The following CDH4 variants were observed in gnomAD, a reference collection of about 807,000 sequenced individuals.
The protein encoded by CDH4 is cadherin 4.
A neutral mutation model predicts 86.0 loss-of-function variants in CDH4; 33 were observed. The observed-to-expected ratio is 0.38, with a 90% CI of 0.29 to 0.51. CDH4 has a LOEUF of 0.51. CDH4 is among the 20% of genes least tolerant of loss of function. The pLI is 0.86. For synonymous variants in CDH4, 555 were observed against 549.4 expected (o/e 1.01, Z -0.14); for missense variants, 1,114 against 1,307.4 (o/e 0.85, Z 2.28).
intron 2 of CDH4, among the ~76,000 whole-genome samples, chr20:61,689,830 G>GTC (rs2087632263): frequency 7.0e-6 from 1 of 142,926 alleles, no homozygotes; most frequent in African/African-American, 2.8e-5. Context: ...AGGTGATGTG[G>GTC]AATTGAGCTG....
At chr20:61,347,438 T>G (rs1364500771) in intron 2 of CDH4, among the ~76,000 whole-genome samples, 1 of 152,242 alleles carries the variant, frequency 6.6e-6, no homozygotes, top group Non-Finnish European at 1.5e-5. Context: ...CTCTTCATAC[T>G]TTACCAAAAA....
At position 61,701,884 on chromosome 20, in the gene CDH4, G is replaced by A. The variant is rs570635047; in HGVS notation, c.170-41679G>A. On this transcript the variant is annotated intron_variant, in intron 2 of 15. Coordinates refer to ENST00000614565, the MANE Select transcript of CDH4 (RefSeq NM_001794.5). ...TCCAAAAAAGACTGCTTTCGAGTGGGACAAGTTTGACCTTATCACAGAAGC... is the reference window on the plus strand; with the variant it reads ...TCCAAAAAAGACTGCTTTCGAGTGGAACAAGTTTGACCTTATCACAGAAGC... 2.0e-4 allele frequency among the ~76,000 whole-genome samples: 31 copies of A among 152,326 alleles called. No individual in the cohort carries two copies. The South Asian group carries it at 6.4e-3, about 32-fold the overall frequency.
At chr20:61,868,911 CT>C (rs1983673436) in intron 6 of CDH4, among the ~76,000 whole-genome samples, 1 of 152,244 alleles carries the variant, frequency 6.6e-6, no homozygotes. Flanking sequence ...AAGCCTCCAG[CT>C]GTGGCACCTG....
intron 6 of CDH4, among the ~76,000 whole-genome samples, 189 bp downstream of exon 6, chr20:61,853,087 G>T (rs1982812413): frequency 6.6e-6 from 1 of 152,196 alleles, no homozygotes; most frequent in Non-Finnish European, 1.5e-5. Context: ...GGTCAAGGGG[G>T]TTGCAGACCA....
At chr20:61,744,982 C>T (rs1415682623) in intron 3 of CDH4, among the ~76,000 whole-genome samples, 2 of 152,232 alleles carry the variant, frequency 1.3e-5, no homozygotes, top group African/African-American at 4.8e-5. Flanking sequence ...CCTGCAGGTC[C>T]AGCTGTTGCA....
chr20:61,567,930 A>G (rs2252187), intron 2 of CDH4, among the ~76,000 whole-genome samples: 125,867 of 152,112 alleles, frequency 0.83, 52,686 homozygotes, highest in African/African-American at 0.96. Context: ...CTATGATTGC[A>G]CCACTGTACT....
chr20:61,876,555 G>A (rs748470013), intron 7 of CDH4, among the ~76,000 whole-genome samples: 8 of 152,170 alleles, frequency 5.3e-5, no homozygotes, highest in East Asian at 1.9e-4. Flanking sequence ...ACGTGCAGAC[G>A]CAGTCCATGA....
At chr20:61,801,249 G>A (rs67208211) in intron 4 of CDH4, among the ~76,000 whole-genome samples, 11,318 of 152,126 alleles carry the variant, frequency 0.074, 514 homozygotes, top group Non-Finnish European at 0.097. Flanking sequence ...GTGGTCCCCC[G>A]ACACCTAGAC....
chr20:61,651,212 C>T (rs574867750), intron 2 of CDH4, among the ~76,000 whole-genome samples: 7 of 152,244 alleles, frequency 4.6e-5, no homozygotes, highest in South Asian at 2.1e-4. Context: ...CATGCTTGGC[C>T]GTGCACTGGT....
intron 2 of CDH4, among the ~76,000 whole-genome samples, chr20:61,381,626 C>T (rs924837274): frequency 3.3e-5 from 5 of 152,052 alleles, no homozygotes; most frequent in Non-Finnish European, 5.9e-5. Context: ...TAGGGCAGTC[C>T]GCAGAATGTC....
intron 11 of CDH4, among the ~76,000 whole-genome samples, chr20:61,925,426 G>A (rs547264953): frequency 9.2e-5 from 14 of 152,352 alleles, no homozygotes; most frequent in African/African-American, 3.4e-4. Context: ...GCCAAGTCGG[G>A]GGAGTCTTAG....
intron 2 of CDH4, among the ~76,000 whole-genome samples, chr20:61,583,129 G>A (rs2086441566): frequency 7.3e-6 from 1 of 136,696 alleles, no homozygotes; most frequent in Non-Finnish European, 1.6e-5. Flanking sequence ...AGAAGGCTCT[G>A]CGGGGGGACA....
At position 61,451,131 on chromosome 20, in the gene CDH4, CT is replaced by C. The variant is rs769478059; in HGVS notation, c.169+196196del. Among the ~76,000 whole-genome samples, 10 of 147,008 alleles carry C rather than the reference CT, an allele frequency of 6.8e-5. No individual in the cohort carries two copies. The East Asian group carries it at 2.1e-3, about 31-fold the overall frequency. Reference sequence around the variant, plus strand: ...TTTCCCTCCCTCTCACGCCCCCCCCCTTCCCTCCGTGTCATCCTGCCACCTG... The same window carrying C: ...TTTCCCTCCCTCTCACGCCCCCCCCCTCCCTCCGTGTCATCCTGCCACCTG... On this transcript the variant is annotated intron_variant, in intron 2 of 15. Coordinates refer to ENST00000614565, the MANE Select transcript of CDH4 (RefSeq NM_001794.5).
In CDH4 at chr20:61,926,893, AAAGT is replaced by A. The variant is rs372720528; in HGVS notation, c.1772-1296_1772-1293del. 3.0e-4 allele frequency among the ~76,000 whole-genome samples: 46 copies of A among 152,228 alleles called. No homozygotes were observed. In the East Asian group the frequency reaches 4.1e-3, roughly 13 times the overall value. ...ATCTCAAAAAAGAAAAAAAAGAAAG[AAAGT>A]GATTGTGAGGCCGCAGCTGGAACAT... On this transcript the variant is annotated intron_variant, in intron 11 of 15. Transcript: ENST00000614565.
intron 2 of CDH4, among the ~76,000 whole-genome samples, chr20:61,609,851 A>AT (rs2086671727): frequency 1.3e-5 from 2 of 151,872 alleles, no homozygotes; most frequent in South Asian, 2.1e-4. Context: ...TTTTTCTTCT[A>AT]TTTTTTTCTT....
At chr20:61,410,670 T>C in intron 2 of CDH4, among the ~76,000 whole-genome samples, 1 of 151,434 alleles carries the variant, frequency 6.6e-6, no homozygotes. Flanking sequence ...CTCTCACTTG[T>C]TAGTCCATTG....
intron 2 of CDH4, among the ~76,000 whole-genome samples, chr20:61,505,178 T>A (rs1470760502): frequency 1.3e-5 from 2 of 152,038 alleles, no homozygotes; most frequent in Non-Finnish European, 2.9e-5. Flanking sequence ...CATTGTGGGG[T>A]GTTTCACCGT....
intron 2 of CDH4, among the ~76,000 whole-genome samples, chr20:61,567,094 A>G (rs548001677): frequency 6.6e-6 from 1 of 152,296 alleles, no homozygotes; most frequent in South Asian, 2.1e-4. Flanking sequence ...GTCACCCTAC[A>G]TCCCACCAAG....
intron 3 of CDH4, among the ~76,000 whole-genome samples, chr20:61,753,279 G>A (rs2088521310): frequency 6.6e-6 from 1 of 151,980 alleles, no homozygotes; most frequent in Non-Finnish European, 1.5e-5. Context: ...TTATGTCGAG[G>A]TTTCTTCAAG....
Sources: gnomAD v4.1 joint callset for allele counts (sites outside exome capture counted in the v4.1 genomes callset) on GRCh38, gnomAD v4.1.1 for gene constraint, MANE v1.5 for transcripts, NCBI Gene and HGNC (gene_info 2026-07-23, HGNC 2026-07-21) for gene names.